SLC6A3: variants seen among roughly 807,000 people sequenced by gnomAD.
SLC6A3 encodes solute carrier family 6 member 3, also known as sodium-dependent dopamine transporter.
Under a neutral mutation model 70.4 loss-of-function variants are expected in SLC6A3, and 19 were observed. The observed-to-expected ratio is 0.27, with a 90% CI of 0.19 to 0.40. The LOEUF (loss-of-function observed/expected upper bound fraction) is 0.40. SLC6A3 is among the 10% of genes least tolerant of loss of function. SLC6A3 has a pLI of 1.00. For missense variants in SLC6A3, 613 were observed against 838.5 expected (o/e 0.73, Z 3.32); for synonymous variants, 368 against 356.6 (o/e 1.03, Z -0.36).
Position 1,413,537 on chromosome 5 carries a change from C to T in SLC6A3, c.1156+1154G>A, listed in dbSNP as rs1208792389. On this transcript the variant is annotated intron_variant, in intron 8 of 14. Coordinates refer to ENST00000270349, the MANE Select transcript of SLC6A3 (RefSeq NM_001044.5). The surrounding 1 kb of genome is among the most constrained non-coding windows in gnomAD (Gnocchi z 7.1). ...CCAGGCAGAGATCAGTCAGCAACAA[C>T]ACCCACACGGGACAGGGGCTTTTCT... 6.6e-6 allele frequency among the ~76,000 whole-genome samples: 1 copy of T among 152,238 alleles called. No individual in the cohort carries two copies. The highest frequency in any genetic ancestry group is 1.5e-5 in the Non-Finnish European group (1 of 68,040).
chr5:1,423,118 C>A (rs1298511519), intron 4 of SLC6A3, among the ~76,000 whole-genome samples: 2 of 89,538 alleles, frequency 2.2e-5, no homozygotes, highest in Non-Finnish European at 4.4e-5. Context: ...CCACTGCTGC[C>A]CAGTGCTGCC....
At chr5:1,409,674 C>T in intron 10 of SLC6A3, 47 bp downstream of exon 10, 1 of 1,611,086 alleles carries the variant, frequency 6.2e-7, no homozygotes, top group Non-Finnish European at 8.5e-7. Context: ...GTGCCACGTG[C>T]TAAGGAGACA....
At position 1,443,143 on chromosome 5, in the gene SLC6A3, T is replaced by C; in HGVS notation, c.55A>G (p.Lys19Glu). ...GLMSSVVAPA[K>E]EPNAVGPKEV... ...TTCGGGCCCACGGCATTGGGCTCCT[T>C]AGCCGGGGCCACCACGGAAGACATG... The change falls in exon 2 of 15, where the codon AAG (lysine) becomes GAG (glutamate). Residue 19 changes from lysine to glutamate, a missense_variant. Lys to Glu is a moderately conservative substitution (Grantham distance 56). Around this residue, in one of 4 missense-constraint regions of SLC6A3, gnomAD observed 111 missense variants for 91.6 expected, o/e 1.21. Coordinates refer to ENST00000270349, the MANE Select transcript of SLC6A3 (RefSeq NM_001044.5). 6.2e-7 allele frequency: 1 copy of C among 1,614,240 alleles called. No homozygotes were observed. Among genetic ancestry groups the C allele is most frequent in the Non-Finnish European group, 8.5e-7 (1 of 1,180,020 alleles).
At chr5:1,407,001 G>T (rs3776512) in intron 11 of SLC6A3, among the ~76,000 whole-genome samples, 1 of 152,102 alleles carries the variant, frequency 6.6e-6, no homozygotes. Flanking sequence ...ATCATATTCC[G>T]TCATGAGTAT....
rs564007957 is a variant in SLC6A3 at position 1,437,298 on chromosome 5, C to T, written c.418+4061G>A. On this transcript the variant is annotated intron_variant, in intron 3 of 14. Coordinates refer to ENST00000270349, the MANE Select transcript of SLC6A3 (RefSeq NM_001044.5). This position sits in a 1 kb window ranked among gnomAD's most constrained non-coding sequence, Gnocchi z 4.8. ...AAAAGAAAAGAAAGAGGGGAGAGGA[C>T]GCCTCTCTGTGTCAGTCTGGGTGTC... 9.5e-4 allele frequency among the ~76,000 whole-genome samples: 144 copies of T among 150,836 alleles called. 1 individual carries two copies. The highest frequency in any genetic ancestry group is 3.2e-3 in the South Asian group (15 of 4,740).
intron 7 of SLC6A3, 82 bp from the exon 8 acceptor site, chr5:1,414,897 G>A: frequency 1.9e-6 from 3 of 1,582,274 alleles, no homozygotes; most frequent in Non-Finnish European, 1.7e-6. Flanking sequence ...TTAATTTACT[G>A]TGTCTGGGGA....
intron 4 of SLC6A3, among the ~76,000 whole-genome samples, chr5:1,431,731 G>A (rs993212148): frequency 2.0e-5 from 3 of 151,896 alleles, no homozygotes; most frequent in Non-Finnish European, 2.9e-5. Context: ...GGGCCTGGCT[G>A]GGGTGGGCAG....
In SLC6A3 at chr5:1,405,404, G is replaced by T. The variant is rs892909343; in HGVS notation, c.1599+784C>A. The stretch of plus-strand genomic sequence containing the variant: ...ACCAGCCCTTGGTCCATGAGAGGGT[G>T]CGGCCTGAGTCCCCTGCCCTGTTCC... On this transcript the variant is annotated intron_variant, in intron 12 of 14. Transcript: ENST00000270349. This position sits in a 1 kb window ranked among gnomAD's most constrained non-coding sequence, Gnocchi z 5.3. Among the ~76,000 whole-genome samples, 3 of 152,232 alleles carry T rather than the reference G, an allele frequency of 2.0e-5. No individual in the cohort carries two copies. Among genetic ancestry groups the T allele is most frequent in the African/African-American group, 7.2e-5 (3 of 41,460 alleles).
rs1465132538 is a variant in SLC6A3, at chr5:1,406,810, AC to A, written c.1499-523del. ...AAACGCCAACTCCTCCCGACCCCCAACCCCCGCCAGGCCCCAGCACCATCTG... is the reference window on the plus strand; with the variant it reads ...AAACGCCAACTCCTCCCGACCCCCAACCCCGCCAGGCCCCAGCACCATCTG... On this transcript the variant is annotated intron_variant, in intron 11 of 14. Transcript: ENST00000270349. The surrounding 1 kb of genome is among the most constrained non-coding windows in gnomAD (Gnocchi z 8.8). Among the ~76,000 whole-genome samples, 1 of 151,094 alleles carries A rather than the reference AC, an allele frequency of 6.6e-6. No individual in the cohort carries two copies. The highest frequency in any genetic ancestry group is 2.0e-4 in the East Asian group (1 of 5,122).
In SLC6A3 at chr5:1,413,566, C is replaced by A. The variant is rs563044111; in HGVS notation, c.1156+1125G>T. On this transcript the variant is annotated intron_variant, in intron 8 of 14. Coordinates refer to ENST00000270349, the MANE Select transcript of SLC6A3 (RefSeq NM_001044.5). The surrounding 1 kb of genome is among the most constrained non-coding windows in gnomAD (Gnocchi z 7.1). ...CACACGGGACAGGGGCTTTTCTGAG[C>A]ACAATCATTCCTCACAAATGTAGTG... Among the ~76,000 whole-genome samples the A allele has an allele frequency of 2.0e-5, 3 of 152,320 alleles. No homozygotes were observed. The highest frequency in any genetic ancestry group is 1.3e-4 in the Admixed American group (2 of 15,298).
Position 1,421,652 on chromosome 5 carries a change from G to T in SLC6A3, c.792+224C>A, listed in dbSNP as rs1228957771. 1.3e-5 allele frequency among the ~76,000 whole-genome samples: 2 copies of T among 151,518 alleles called. No individual in the cohort carries two copies. Among genetic ancestry groups the T allele is most frequent in the Admixed American group, 6.6e-5 (1 of 15,228 alleles). ...CCCAAGCCAACCCGGCACAGCCACA[G>T]GTGTACCCTCAATCATGGCCACGTG... On this transcript the variant is annotated intron_variant, in intron 5 of 14. Transcript: ENST00000270349. The surrounding 1 kb of genome is among the most constrained non-coding windows in gnomAD (Gnocchi z 7.2).
At chr5:1,414,597 C>T (rs1005274515) in intron 8 of SLC6A3, 94 bp downstream of exon 8, 129 of 1,452,566 alleles carry the variant, frequency 8.9e-5, no homozygotes, top group Non-Finnish European at 1.0e-4. Context: ...AGGGCCCATG[C>T]GTCTCCTTCC....
At chr5:1,434,662 T>C (rs1579724000) in intron 3 of SLC6A3, among the ~76,000 whole-genome samples, 2 of 152,238 alleles carry the variant, frequency 1.3e-5, no homozygotes, top group East Asian at 3.8e-4. Context: ...ACTGACATGA[T>C]TAGTTTGGGT....
At chr5:1,409,368 G>A (rs1490824083) in intron 10 of SLC6A3, among the ~76,000 whole-genome samples, 1 of 152,174 alleles carries the variant, frequency 6.6e-6, no homozygotes, top group African/African-American at 2.4e-5. Context: ...AACCGAATGC[G>A]GAACTTGGCA....
intron 6 of SLC6A3, among the ~76,000 whole-genome samples, chr5:1,420,348 T>C (rs575639839): frequency 7.4e-4 from 113 of 152,356 alleles, no homozygotes; most frequent in African/African-American, 2.6e-3. Flanking sequence ...ATGTCTTCTT[T>C]TGCTGACCAA....
chr5:1,403,949 G>A (rs1286715183), intron 12 of SLC6A3, among the ~76,000 whole-genome samples: 1 of 152,224 alleles, frequency 6.6e-6, no homozygotes, highest in Non-Finnish European at 1.5e-5. Context: ...TGTGTTCTGT[G>A]CACCCACATG....
In SLC6A3 at chr5:1,402,625, A is replaced by G. The variant is rs754021557; in HGVS notation, c.1767+297T>C. Among the ~76,000 whole-genome samples, 8 of 152,184 alleles carry G rather than the reference A, an allele frequency of 5.3e-5. No homozygotes were observed. The highest frequency in any genetic ancestry group is 3.9e-4 in the East Asian group (2 of 5,180). On this transcript the variant is annotated intron_variant, in intron 13 of 14. Coordinates refer to ENST00000270349, the MANE Select transcript of SLC6A3 (RefSeq NM_001044.5). This position sits in a 1 kb window ranked among gnomAD's most constrained non-coding sequence, Gnocchi z 8.5. ...ACAGCACATACAGACACAGAGATACAGTGGATGTACACACAGGCACAAGCA... is the reference window on the plus strand; with the variant it reads ...ACAGCACATACAGACACAGAGATACGGTGGATGTACACACAGGCACAAGCA...
chr5:1,414,720 C>T lies in SLC6A3; in HGVS notation c.1127G>A (p.Ser376Asn). The T allele has an allele frequency of 1.9e-6, 3 of 1,612,656 alleles. No homozygotes were observed. Among genetic ancestry groups the T allele is most frequent in the Non-Finnish European group, 2.5e-6 (3 of 1,179,836 alleles). The part of the protein sequence containing the change: ...SFLGYMAQKH[S>N]VPIGDVAKDG... ...CTTGGCCACGTCCCCGATGGGCACA[C>T]TGTGCTTCTGTGCCATGTACCCCAG... Residue 376 changes from serine to asparagine, a missense_variant, in exon 8 of 15, where the codon AGT becomes AAT. This residue lies in a region of SLC6A3 where 348 missense variants were observed against 481.2 expected (regional missense o/e 0.72). Coordinates refer to ENST00000270349, the MANE Select transcript of SLC6A3 (RefSeq NM_001044.5).
intron 3 of SLC6A3, among the ~76,000 whole-genome samples, chr5:1,441,079 A>G (rs1733647302): frequency 6.6e-6 from 1 of 152,276 alleles, no homozygotes; most frequent in African/African-American, 2.4e-5. Context: ...GCAGATCCAT[A>G]GATAGACATG....
Sources: gnomAD v4.1 joint callset for allele counts (sites outside exome capture counted in the v4.1 genomes callset) on GRCh38, gnomAD v4.1.1 for gene constraint, gnomAD v4.1.1 regional missense constraint, Gnocchi (gnomAD v3.1) non-coding constraint, MANE v1.5 for transcripts, NCBI Gene and HGNC (gene_info 2026-07-23, HGNC 2026-07-21) for gene names.